The following STON2 variants were observed in gnomAD, a reference collection of about 807,000 sequenced individuals.
STON2 encodes stonin 2.
A neutral mutation model predicts 65.7 loss-of-function variants in STON2; 29 were observed. The observed-to-expected ratio is 0.44, with a 90% confidence interval of 0.33 to 0.60. STON2 has a LOEUF of 0.60. Among genes scored for constraint, STON2 ranks in the 20% least tolerant of loss-of-function variants. The pLI is 0.03. For synonymous variants in STON2, 404 were observed against 414.2 expected (o/e 0.98, Z 0.30); for missense variants, 1,054 against 1,118.1 (o/e 0.94, Z 0.82).
At chr14:81,426,820 C>A (rs760155211) in intron 2 of STON2, among the ~76,000 whole-genome samples, 1 of 152,164 alleles carries the variant, frequency 6.6e-6, no homozygotes, top group Non-Finnish European at 1.5e-5. Context: ...TATAAGATTT[C>A]GTTTGAGCAT....
intron 5 of STON2, among the ~76,000 whole-genome samples, chr14:81,318,085 C>T (rs1896692395): frequency 6.6e-6 from 1 of 152,162 alleles, no homozygotes; most frequent in Non-Finnish European, 1.5e-5. Context: ...CCTGCCTCAG[C>T]CTCCCGAGTA....
chr14:81,353,673 C>T (rs1898109352), intron 4 of STON2, among the ~76,000 whole-genome samples: 1 of 152,204 alleles, frequency 6.6e-6, no homozygotes, highest in South Asian at 2.1e-4. Flanking sequence ...GAGGCAGACA[C>T]CCAGCTTCCT....
chr14:81,282,147 C>T (rs1014090939), intron 5 of STON2, among the ~76,000 whole-genome samples: 4 of 152,158 alleles, frequency 2.6e-5, no homozygotes, highest in South Asian at 2.1e-4. Flanking sequence ...TACAGCAATG[C>T]TTCTATCACA....
At chr14:81,331,799 G>A (rs1897227287) in intron 4 of STON2, among the ~76,000 whole-genome samples, 1 of 152,172 alleles carries the variant, frequency 6.6e-6, no homozygotes, top group African/African-American at 2.4e-5. Context: ...GCTCTGAGGA[G>A]CCCACACATC....
chr14:81,300,987 C>G (rs1034508185), intron 5 of STON2, among the ~76,000 whole-genome samples: 10 of 151,942 alleles, frequency 6.6e-5, no homozygotes, highest in African/African-American at 2.2e-4. Context: ...CATAGAATAC[C>G]ACTATAGCAA....
chr14:81,336,943 G>C (rs1313416172), intron 4 of STON2, among the ~76,000 whole-genome samples: 1 of 152,202 alleles, frequency 6.6e-6, no homozygotes, highest in African/African-American at 2.4e-5. Flanking sequence ...CTACAGCAGT[G>C]ACAGGAAAGG....
chr14:81,316,944 C>T (rs907343324), intron 5 of STON2, among the ~76,000 whole-genome samples: 6 of 152,012 alleles, frequency 3.9e-5, no homozygotes, highest in Admixed American at 2.0e-4. Flanking sequence ...GGCGTGAACC[C>T]GCGAGGCAGA....
chr14:81,434,871 GA>G (rs1412797222), intron 1 of STON2, among the ~76,000 whole-genome samples: 2 of 151,582 alleles, frequency 1.3e-5, no homozygotes, highest in African/African-American at 2.4e-5. Flanking sequence ...TCAGGCATAG[GA>G]AAAAAAACAC....
chr14:81,341,469 T>C (rs796280049), intron 4 of STON2, among the ~76,000 whole-genome samples: 2,791 of 148,162 alleles, frequency 0.019, 56 homozygotes, highest in African/African-American at 0.048. Flanking sequence ...TTTTTTTTTT[T>C]CCCAAAAGTC....
At chr14:81,412,933 C>G (rs1273377362) in intron 2 of STON2, 2 of 742,330 alleles carry the variant, frequency 2.7e-6, no homozygotes, top group Non-Finnish European at 4.5e-6. Context: ...CCCAGGAGAC[C>G]GTTGCAGTCA....
At chr14:81,339,188 C>T (rs147538113) in intron 4 of STON2, among the ~76,000 whole-genome samples, 1,610 of 152,280 alleles carry the variant, frequency 0.011, 20 homozygotes, top group Middle Eastern at 0.031. Flanking sequence ...TACTAGGCAC[C>T]TAGGTAGGTT....
intron 2 of STON2, among the ~76,000 whole-genome samples, chr14:81,407,622 T>C (rs936087496): frequency 6.6e-6 from 1 of 152,232 alleles, no homozygotes; most frequent in African/African-American, 2.4e-5. Flanking sequence ...TTGGAGTTTA[T>C]GCAGAAACAT....
intron 4 of STON2, among the ~76,000 whole-genome samples, chr14:81,367,290 T>G (rs1310437008): frequency 1.3e-5 from 2 of 152,144 alleles, no homozygotes; most frequent in Non-Finnish European, 2.9e-5. Context: ...GCAATTCTCC[T>G]GCCTCAGCTT....
At chr14:81,368,491 A>G (rs766615680) in intron 4 of STON2, among the ~76,000 whole-genome samples, 3 of 152,190 alleles carry the variant, frequency 2.0e-5, no homozygotes, top group Non-Finnish European at 2.9e-5. Flanking sequence ...AGGCAGGTGG[A>G]TCACCTGAGG....
At chr14:81,361,521 A>G (rs1179279141) in intron 4 of STON2, among the ~76,000 whole-genome samples, 1 of 152,164 alleles carries the variant, frequency 6.6e-6, no homozygotes, top group Non-Finnish European at 1.5e-5. Flanking sequence ...AGGTTTAAAC[A>G]TAAGACCTGA....
chr14:81,263,095 A>AT lies in STON2; in HGVS notation c.*5318dup. On this transcript the variant is annotated 3_prime_UTR_variant, in exon 8 of 8. Coordinates refer to ENST00000614646, the MANE Select transcript of STON2 (RefSeq NM_001394390.1). ...TGAGACAGTGCATTTACCAAATGAT[A>AT]TTTTTTTGTGGATTTAATTTTTTGT... is the stretch of plus-strand genomic sequence containing the variant. The AT allele has an allele frequency of 1.0e-6, 1 of 985,194 alleles. No individual in the cohort carries two copies. Among genetic ancestry groups the AT allele is most frequent in the Non-Finnish European group, 1.2e-6 (1 of 829,800 alleles). 61.0% of individuals were successfully genotyped at this position (985,194 alleles called of 1,614,324 possible).
At chr14:81,307,506 T>C (rs916123466) in intron 5 of STON2, among the ~76,000 whole-genome samples, 1 of 152,246 alleles carries the variant, frequency 6.6e-6, no homozygotes, top group Non-Finnish European at 1.5e-5. Context: ...CAAATGTCAC[T>C]GGCTGGTGTG....
intron 4 of STON2, 127 bp downstream of exon 4, chr14:81,370,861 G>T: frequency 1.2e-6 from 1 of 835,426 alleles, no homozygotes; most frequent in Non-Finnish European, 1.9e-6. Flanking sequence ...CTTTTTGACT[G>T]GATAACAACA....
chr14:81,395,630 T>G, intron 3 of STON2: 1 of 431,606 alleles, frequency 2.3e-6, no homozygotes, highest in Non-Finnish European at 4.2e-6. Flanking sequence ...ATATATGCAT[T>G]ATTTTAAAGA....
Sources: allele counts gnomAD v4.1 joint callset (sites outside exome capture counted in the v4.1 genomes callset), GRCh38; gene constraint gnomAD v4.1.1; transcripts MANE v1.5; gene names NCBI Gene and HGNC (gene_info 2026-07-23, HGNC 2026-07-21).